DENND2B: variants seen among roughly 807,000 people sequenced by gnomAD.
The protein encoded by DENND2B is DENN domain containing 2B, also known as DENN domain-containing protein 2B.
In DENND2B, 32 loss-of-function variants were observed where a neutral mutation model predicts 116.0. The ratio of observed to expected loss-of-function variants is 0.28; its 90% CI spans 0.21 to 0.37. DENND2B has a LOEUF of 0.37. Among genes scored for constraint, DENND2B ranks in the 10% least tolerant of loss-of-function variants. DENND2B has a pLI of 1.00. For synonymous variants in DENND2B, 588 were observed against 583.9 expected (o/e 1.01, Z -0.10); for missense variants, 1,276 against 1,477.7 (o/e 0.86, Z 2.24).
chr11:8,805,424 TAG>T (rs1026317028), intron 1 of DENND2B, among the ~76,000 whole-genome samples: 2 of 152,208 alleles, frequency 1.3e-5, no homozygotes, highest in Non-Finnish European at 2.9e-5. Context: ...CGAACAAAAC[TAG>T]AGTTTTAAAA....
At chr11:8,869,942 AT>A (rs2063718968) in intron 2 of DENND2B, among the ~76,000 whole-genome samples, 2 of 151,726 alleles carry the variant, frequency 1.3e-5, no homozygotes, top group South Asian at 4.2e-4. Context: ...GCAAAAAAAA[AT>A]CAATTAAGGG....
chr11:8,738,074 TAG>T (rs1254408481), intron 2 of DENND2B, among the ~76,000 whole-genome samples: 1 of 152,074 alleles, frequency 6.6e-6, no homozygotes, highest in Non-Finnish European at 1.5e-5. Context: ...AATGATCCAG[TAG>T]AGAGGGAAAG....
intron 4 of DENND2B, chr11:8,719,279 C>T: frequency 2.1e-6 from 2 of 966,310 alleles, no homozygotes; most frequent in Non-Finnish European, 2.5e-6. Flanking sequence ...ATTGTGGCAT[C>T]TACTTATGCA....
intron 4 of DENND2B, chr11:8,718,097 C>CCCCCCCACCCCCCCACCCCCCCA (rs1565706319): frequency 1.1e-5 from 3 of 264,320 alleles, no homozygotes. Context: ...AGCAGACCCA[C>CCCCCCCACCCCCCCACCCCCCCA]CCCCCCACCC....
chr11:8,805,629 C>T (rs888970417), intron 1 of DENND2B, among the ~76,000 whole-genome samples: 1 of 152,114 alleles, frequency 6.6e-6, no homozygotes, highest in African/African-American at 2.4e-5. Context: ...CTGTTGGACC[C>T]TCCTCCTTTT....
intron 2 of DENND2B, among the ~76,000 whole-genome samples, chr11:8,738,763 A>C (rs1330527763): frequency 6.6e-6 from 1 of 152,230 alleles, no homozygotes; most frequent in African/African-American, 2.4e-5. Flanking sequence ...ATGCAAATTC[A>C]CTGGCATTGT....
chr11:8,748,959 G>A (rs1198155667), intron 2 of DENND2B, among the ~76,000 whole-genome samples: 1 of 152,100 alleles, frequency 6.6e-6, no homozygotes, highest in Non-Finnish European at 1.5e-5. Context: ...ATATTTAAAG[G>A]AGTTGAGGGT....
At chr11:8,766,880 A>T (rs1440465819) in intron 1 of DENND2B, among the ~76,000 whole-genome samples, 1 of 152,214 alleles carries the variant, frequency 6.6e-6, no homozygotes, top group Non-Finnish European at 1.5e-5. Context: ...CCTGGTAATG[A>T]AGGGCAGTGA....
At chr11:8,759,613 T>C (rs763989991) in intron 1 of DENND2B, among the ~76,000 whole-genome samples, 1 of 152,192 alleles carries the variant, frequency 6.6e-6, no homozygotes, top group Admixed American at 6.5e-5. Flanking sequence ...AACAGAGCTC[T>C]TGTGTGTGTT....
At chr11:8,790,068 C>G (rs536612087) in intron 1 of DENND2B, among the ~76,000 whole-genome samples, 3 of 152,190 alleles carry the variant, frequency 2.0e-5, no homozygotes, top group African/African-American at 7.2e-5. Context: ...ACAACAAACA[C>G]GACCAACTGG....
intron 1 of DENND2B, among the ~76,000 whole-genome samples, chr11:8,882,867 G>C (rs1490145238): frequency 6.6e-6 from 1 of 152,054 alleles, no homozygotes; most frequent in Non-Finnish European, 1.5e-5. Flanking sequence ...GCATGCCTGT[G>C]ATCCCAGCTA....
chr11:8,876,755 G>A (rs2063845499), intron 2 of DENND2B, among the ~76,000 whole-genome samples: 1 of 151,992 alleles, frequency 6.6e-6, no homozygotes, highest in African/African-American at 2.4e-5. Context: ...GCGAGCACCT[G>A]TAATCCCAGC....
intron 11 of DENND2B, 53 bp downstream of exon 11, chr11:8,710,791 AC>A (rs2043505792): frequency 2.2e-6 from 3 of 1,338,722 alleles, no homozygotes; most frequent in Admixed American, 3.5e-5. Context: ...ACACACACAC[AC>A]ACCCTGGCCT....
chr11:8,897,485 T>C (rs2064117715), intron 1 of DENND2B, among the ~76,000 whole-genome samples: 1 of 152,184 alleles, frequency 6.6e-6, no homozygotes, highest in African/African-American at 2.4e-5. Context: ...GCATAGGACA[T>C]TGTCAGAAAC....
At chr11:8,757,337 G>C (rs1254300618) in intron 1 of DENND2B, among the ~76,000 whole-genome samples, 1 of 152,202 alleles carries the variant, frequency 6.6e-6, no homozygotes, top group Non-Finnish European at 1.5e-5. Flanking sequence ...TCCCAAGTCT[G>C]AGTCATCTTT....
At chr11:8,759,721 C>T (rs969685655) in intron 1 of DENND2B, among the ~76,000 whole-genome samples, 1 of 152,204 alleles carries the variant, frequency 6.6e-6, no homozygotes, top group Non-Finnish European at 1.5e-5. Flanking sequence ...TGGGACCAAC[C>T]TGCCTACTCA....
chr11:8,763,503 A>G (rs1287642592), intron 1 of DENND2B, among the ~76,000 whole-genome samples: 6 of 151,952 alleles, frequency 3.9e-5, no homozygotes, highest in African/African-American at 1.5e-4. Flanking sequence ...TAATCAGAAG[A>G]AGAGAAGGCA....
intron 16 of DENND2B, among the ~76,000 whole-genome samples, chr11:8,698,166 A>AAAAAAAAAAAAAAG (rs1555092981): frequency 1.5e-5 from 2 of 129,448 alleles, no homozygotes; most frequent in African/African-American, 3.0e-5. Flanking sequence ...AAAAAAAAAA[A>AAAAAAAAAAAAAAG]GGGGGTAGAG....
rs1430856362 is a variant in DENND2B, at chr11:8,730,144, G to A, written c.1146C>T (p.Pro382=). The A allele has an allele frequency of 5.0e-6, 8 of 1,614,200 alleles. No individual in the cohort carries two copies. The highest frequency in any genetic ancestry group is 6.8e-6 in the Non-Finnish European group (8 of 1,180,024). ...QRLPSKSSLD[P]AVNPVPKPKR... ...TGGGTTTGGGGACAGGGTTCACAGC[G>A]GGATCGAGGGAACTCTTCGATGGCA... is the stretch of plus-strand genomic sequence containing the variant. Residue 382 remains proline, a synonymous_variant, in exon 3 of 20, where the codon CCC becomes CCT. Transcript: ENST00000313726. This position sits in a 1 kb window ranked among gnomAD's most constrained non-coding sequence, Gnocchi z 4.1.
Sources: gnomAD v4.1 joint callset for allele counts (sites outside exome capture counted in the v4.1 genomes callset) on GRCh38, gnomAD v4.1.1 for gene constraint, Gnocchi (gnomAD v3.1) non-coding constraint, MANE v1.5 for transcripts, NCBI Gene and HGNC (gene_info 2026-07-23, HGNC 2026-07-21) for gene names.